Variants in NRXN1 observed in about 807,000 individuals in gnomAD.
NRXN1 encodes the protein neurexin-1.
Under a neutral mutation model 150.9 loss-of-function variants are expected in NRXN1, and 39 were observed. The observed-to-expected ratio is 0.26, with a 90% CI of 0.20 to 0.34. The LOEUF is 0.34. NRXN1 is among the 10% of genes least tolerant of loss of function. The pLI is 1.00. For synonymous variants in NRXN1, 924 were observed against 757.0 expected, an observed-to-expected ratio of 1.22 and a Z score of -3.62; for missense variants, 1,815 against 1,949.9, an observed-to-expected ratio of 0.93 and a Z score of 1.30.
rs536944397 is a variant in NRXN1 at position 50,456,237 on chromosome 2, C to A, written c.3364+9205G>T. Reference sequence around the variant, plus strand: ...TATGAAACTTGTTCCATTCTGAAATCATTTCAAGTTAAGAAATGCCCTTGT... The same window carrying A: ...TATGAAACTTGTTCCATTCTGAAATAATTTCAAGTTAAGAAATGCCCTTGT... On this transcript the variant is annotated intron_variant, in intron 17 of 22. Transcript: ENST00000401669. Among the ~76,000 whole-genome samples, 10 of 152,204 alleles carry A rather than the reference C, an allele frequency of 6.6e-5. No homozygotes were observed. In the East Asian group the frequency reaches 1.7e-3, roughly 27 times the overall value.
intron 5 of NRXN1, among the ~76,000 whole-genome samples, chr2:50,764,629 G>C (rs1308094505): frequency 1.3e-5 from 2 of 151,900 alleles, no homozygotes; most frequent in Non-Finnish European, 2.9e-5. Flanking sequence ...TAAACAATTT[G>C]CTCAGCCATA....
chr2:50,928,152 T>G (rs1687192808), intron 2 of NRXN1, among the ~76,000 whole-genome samples: 1 of 151,904 alleles, frequency 6.6e-6, no homozygotes, highest in Non-Finnish European at 1.5e-5. Flanking sequence ...ATGTTTAATG[T>G]GTAAACAAAT....
intron 18 of NRXN1, among the ~76,000 whole-genome samples, chr2:50,119,209 C>T (rs189418326): frequency 1.4e-4 from 22 of 152,078 alleles, no homozygotes; most frequent in African/African-American, 5.3e-4. Flanking sequence ...AATGTCTTAC[C>T]ATTATGTGTC....
intron 5 of NRXN1, among the ~76,000 whole-genome samples, chr2:50,750,584 A>C (rs570607920): frequency 6.6e-6 from 1 of 152,158 alleles, no homozygotes; most frequent in African/African-American, 2.4e-5. Flanking sequence ...TAGAGCTGAA[A>C]GTATAATAAT....
Position 50,165,582 on chromosome 2 carries a change from C to T in NRXN1, c.3546+71207G>A, listed in dbSNP as rs1388190795. Among the ~76,000 whole-genome samples the T allele has an allele frequency of 2.6e-5, 4 of 152,274 alleles. No individual in the cohort carries two copies. In the East Asian group the frequency reaches 7.7e-4, roughly 29 times the overall value. On this transcript the variant is annotated intron_variant, in intron 18 of 22. Transcript: ENST00000401669. ...CAGGCTGGTCTCCAACTCCTGACCTCAGGTGATACACCCACCTCAGCCTCC... is the reference window on the plus strand; with the variant it reads ...CAGGCTGGTCTCCAACTCCTGACCTTAGGTGATACACCCACCTCAGCCTCC...
intron 5 of NRXN1, among the ~76,000 whole-genome samples, chr2:50,731,091 G>C (rs1413871943): frequency 6.6e-6 from 1 of 151,978 alleles, no homozygotes; most frequent in African/African-American, 2.4e-5. Flanking sequence ...TTGATTTCTG[G>C]CTTTATTTTT....
At chr2:50,832,655 G>T (rs561328932) in intron 5 of NRXN1, among the ~76,000 whole-genome samples, 1 of 151,242 alleles carries the variant, frequency 6.6e-6, no homozygotes, top group East Asian at 1.9e-4. Flanking sequence ...GTGAGATCCC[G>T]TCTCAAAAAC....
intron 15 of NRXN1, among the ~76,000 whole-genome samples, chr2:50,489,615 A>G (rs2091116067): frequency 6.6e-6 from 1 of 152,058 alleles, no homozygotes; most frequent in African/African-American, 2.4e-5. Context: ...GATCACTTAT[A>G]CTTCCTAAGT....
intron 21 of NRXN1, among the ~76,000 whole-genome samples, chr2:50,040,919 G>T (rs558168533): frequency 9.2e-5 from 14 of 151,882 alleles, no homozygotes; most frequent in African/African-American, 2.7e-4. Flanking sequence ...ACAATGTGCA[G>T]GTTTGTTACA....
At chr2:51,002,544 G>T (rs551559166) in intron 2 of NRXN1, among the ~76,000 whole-genome samples, 11 of 151,998 alleles carry the variant, frequency 7.2e-5, no homozygotes, top group Middle Eastern at 3.4e-3. Flanking sequence ...ATTTTCCAGT[G>T]CATATAAAGA....
intron 11 of NRXN1, 148 bp downstream of exon 11, chr2:50,531,079 G>A (rs903301668): frequency 2.2e-5 from 13 of 580,880 alleles, no homozygotes; most frequent in South Asian, 3.0e-5. Context: ...AGATGCCCCC[G>A]AAAACCTCAA....
intron 17 of NRXN1, among the ~76,000 whole-genome samples, chr2:50,380,740 C>T (rs2080898382): frequency 1.3e-5 from 2 of 152,024 alleles, no homozygotes. Flanking sequence ...ATAATAAAAG[C>T]CACCCGTTAT....
At chr2:50,494,137 C>T (rs886565182) in intron 15 of NRXN1, among the ~76,000 whole-genome samples, 1 of 152,338 alleles carries the variant, frequency 6.6e-6, no homozygotes, top group African/African-American at 2.4e-5. Context: ...TCCTAACTAT[C>T]TGAAGAAATA....
At chr2:50,329,107 C>G (rs914692962) in intron 17 of NRXN1, among the ~76,000 whole-genome samples, 11 of 151,724 alleles carry the variant, frequency 7.3e-5, no homozygotes, top group Non-Finnish European at 1.5e-4. Flanking sequence ...TTAATAGCAC[C>G]ATAAACAAAA....
intron 5 of NRXN1, among the ~76,000 whole-genome samples, chr2:50,830,236 A>G (rs1489682552): frequency 2.0e-5 from 3 of 152,054 alleles, no homozygotes; most frequent in Non-Finnish European, 4.4e-5. Flanking sequence ...GGTAAAAGGA[A>G]TTGAAATTTC....
chr2:50,228,417 C>T (rs542862165), intron 18 of NRXN1, among the ~76,000 whole-genome samples: 68 of 151,934 alleles, frequency 4.5e-4, no homozygotes, highest in Middle Eastern at 6.8e-3. Flanking sequence ...TAAAAGATGT[C>T]AAAGATGTAG....
intron 5 of NRXN1, chr2:50,632,858 T>C (rs1682582331): frequency 6.6e-6 from 1 of 152,014 alleles, no homozygotes; most frequent in Non-Finnish European, 1.5e-5. Flanking sequence ...AGTGTGTAGA[T>C]GTATCAATAT....
intron 5 of NRXN1, among the ~76,000 whole-genome samples, chr2:50,695,927 C>A (rs1436843919): frequency 6.7e-6 from 1 of 148,884 alleles, no homozygotes; most frequent in African/African-American, 2.5e-5. Flanking sequence ...ACTGCAACCT[C>A]TGCCCTCCAG....
chr2:50,869,074 A>G (rs775493508), intron 5 of NRXN1, among the ~76,000 whole-genome samples: 12 of 151,774 alleles, frequency 7.9e-5, no homozygotes, highest in Non-Finnish European at 1.6e-4. Context: ...CTTCAGACAC[A>G]ATGCCATTGT....
Sources: allele counts gnomAD v4.1 joint callset (sites outside exome capture counted in the v4.1 genomes callset), GRCh38; gene constraint gnomAD v4.1.1; transcripts MANE v1.5; gene names NCBI Gene and HGNC (gene_info 2026-07-23, HGNC 2026-07-21).